The following GPHN variants were observed in gnomAD, a reference collection of about 807,000 sequenced individuals.
GPHN encodes gephyrin.
GPHN carries 17 observed loss-of-function variants against 95.5 expected under a neutral mutation model. That is an observed-to-expected ratio of 0.18 (90% CI 0.12 to 0.27). The LOEUF (loss-of-function observed/expected upper bound fraction) is 0.27, where lower values mean the gene tolerates loss of function less well. Among genes scored for constraint, GPHN ranks in the 10% least tolerant of loss-of-function variants. GPHN has a pLI of 1.00. For missense variants in GPHN, 660 were observed against 978.1 expected, an observed-to-expected ratio of 0.67 and a Z score of 4.34; for synonymous variants, 320 against 322.5, an observed-to-expected ratio of 0.99 and a Z score of 0.08.
At chr14:66,573,229 T>G (rs1041373282) in intron 1 of GPHN, among the ~76,000 whole-genome samples, 2 of 152,198 alleles carry the variant, frequency 1.3e-5, no homozygotes, top group African/African-American at 4.8e-5. Context: ...CATAGTGCTG[T>G]TTGATTCTGT....
chr14:66,649,333 C>T (rs1431348473), intron 1 of GPHN, among the ~76,000 whole-genome samples: 1 of 151,212 alleles, frequency 6.6e-6, no homozygotes, highest in African/African-American at 2.4e-5. Context: ...GACTCCATCT[C>T]TTAAAAAAAA....
chr14:67,678,309 T>C, the GPHN span: 1 of 1,544,882 alleles, frequency 6.5e-7, no homozygotes, highest in Non-Finnish European at 9.0e-7. Context: ...TGGGTCCAAC[T>C]GGCACTGCCT....
chr14:66,688,586 A>G (rs2067557311), intron 2 of GPHN, among the ~76,000 whole-genome samples: 1 of 152,144 alleles, frequency 6.6e-6, no homozygotes, highest in Non-Finnish European at 1.5e-5. Context: ...CAGTTCTAAG[A>G]GTCTTTGAGG....
chr14:66,642,687 G>A (rs192924933), intron 1 of GPHN, among the ~76,000 whole-genome samples: 2 of 151,758 alleles, frequency 1.3e-5, no homozygotes, highest in East Asian at 3.9e-4. Flanking sequence ...TGTTACAGAA[G>A]TAAAAGAAAA....
chr14:67,478,377 C>T, the GPHN span, among the ~76,000 whole-genome samples: 1,846 of 152,344 alleles, frequency 0.012, 34 homozygotes, highest in African/African-American at 0.04. Flanking sequence ...GGATCCATCC[C>T]CTCCTCTTCA....
intron 9 of GPHN, among the ~76,000 whole-genome samples, chr14:66,972,272 AAAAAAAAAAAAAG>A (rs996583440): frequency 7.5e-6 from 1 of 133,280 alleles, no homozygotes; most frequent in Non-Finnish European, 1.5e-5. Context: ...TGTCTCAAAA[AAAAAAAAAAAAAG>A]AAAGAAAAAA....
chr14:67,022,832 T>C (rs1230861934), intron 9 of GPHN, among the ~76,000 whole-genome samples: 1 of 151,884 alleles, frequency 6.6e-6, no homozygotes, highest in Non-Finnish European at 1.5e-5. Context: ...GGTCTGGAGC[T>C]TAAATACAGT....
At chr14:67,175,060 G>A (rs578183217) in intron 21 of GPHN, among the ~76,000 whole-genome samples, 1 of 152,210 alleles carries the variant, frequency 6.6e-6, no homozygotes, top group African/African-American at 2.4e-5. Flanking sequence ...TTCTTTTGCT[G>A]TGTAGAAGCT....
the GPHN span, chr14:67,208,295 A>G: frequency 1.9e-6 from 3 of 1,613,904 alleles, no homozygotes; most frequent in Non-Finnish European, 2.5e-6. Context: ...CACCATCTCA[A>G]ACATAACACT....
chr14:66,892,774 T>C (rs1360417029), intron 5 of GPHN, among the ~76,000 whole-genome samples: 12 of 152,042 alleles, frequency 7.9e-5, no homozygotes. Flanking sequence ...AATGGAGAGT[T>C]TTTGTTTGGG....
chr14:66,808,289 T>C (rs1017072131), intron 3 of GPHN, among the ~76,000 whole-genome samples: 1 of 152,236 alleles, frequency 6.6e-6, no homozygotes, highest in Admixed American at 6.5e-5. Flanking sequence ...ATGAATCCTT[T>C]GATACATGTA....
the GPHN span, chr14:67,203,405 A>T: frequency 1.2e-6 from 1 of 831,388 alleles, no homozygotes; most frequent in South Asian, 2.3e-5. Context: ...TGTTACTCGC[A>T]CTCCCTGCTG....
chr14:67,182,841 C>CTT (rs1247844705), downstream of GPHN, among the ~76,000 whole-genome samples: 419 of 120,024 alleles, frequency 3.5e-3, 6 homozygotes, highest in African/African-American at 8.3e-3. Context: ...GTTAGTGGGT[C>CTT]TTTTTTTTTT....
the GPHN span, among the ~76,000 whole-genome samples, chr14:67,414,901 C>T: frequency 5.2e-3 from 788 of 152,326 alleles, 3 homozygotes; most frequent in Middle Eastern, 0.037. Flanking sequence ...AATAAAATGA[C>T]TTGTCCAAGG....
chr14:67,281,160 G>C, the GPHN span, among the ~76,000 whole-genome samples: 1 of 151,834 alleles, frequency 6.6e-6, no homozygotes, highest in Non-Finnish European at 1.5e-5. Context: ...ACCTTCCAAA[G>C]TGCTGGGATT....
At chr14:67,705,755 A>T in the GPHN span, among the ~76,000 whole-genome samples, 3 of 152,308 alleles carry the variant, frequency 2.0e-5, no homozygotes, top group East Asian at 5.8e-4. Flanking sequence ...AATTTTTTGT[A>T]ATATTTCAAA....
intron 1 of GPHN, among the ~76,000 whole-genome samples, chr14:66,589,416 C>T (rs893696987): frequency 6.6e-6 from 1 of 152,100 alleles, no homozygotes; most frequent in Non-Finnish European, 1.5e-5. Flanking sequence ...AGGCTAAATG[C>T]CCCAATTAAA....
the GPHN span, chr14:67,646,669 G>A: frequency 6.2e-7 from 1 of 1,613,264 alleles, no homozygotes; most frequent in South Asian, 1.1e-5. Context: ...GGATTTTCCT[G>A]GATCAAACCT....
rs566921756 is a variant in GPHN, at chr14:66,905,180, C to G, written c.390-10823C>G. On this transcript the variant is annotated intron_variant, in intron 5 of 22. Coordinates refer to ENST00000478722, the MANE Select transcript of GPHN (RefSeq NM_020806.5). ...TAGCCTATCTTTGAGCTCACTGACTCTTTCCTCTGCTTGATCCATTCTACT... is the reference window on the plus strand; with the variant it reads ...TAGCCTATCTTTGAGCTCACTGACTGTTTCCTCTGCTTGATCCATTCTACT... 6.6e-5 allele frequency among the ~76,000 whole-genome samples: 10 copies of G among 152,192 alleles called. 1 individual carries two copies. The South Asian group carries it at 2.1e-3, about 32-fold the overall frequency.
Sources: allele counts gnomAD v4.1 joint callset (sites outside exome capture counted in the v4.1 genomes callset), GRCh38; gene constraint gnomAD v4.1.1; transcripts MANE v1.5; gene names NCBI Gene and HGNC (gene_info 2026-07-23, HGNC 2026-07-21).